The following CNGA1 variants were observed in gnomAD, a reference collection of about 807,000 sequenced individuals.
CNGA1 encodes cyclic nucleotide-gated channel alpha-1.
A neutral mutation model predicts 69.7 loss-of-function variants in CNGA1; 53 were observed. The ratio of observed to expected loss-of-function variants is 0.76; its 90% confidence interval spans 0.61 to 0.96. CNGA1 has a LOEUF of 0.96. Among genes scored for constraint, CNGA1 ranks in the 40% least tolerant of loss-of-function variants. The probability of loss-of-function intolerance (pLI) is 0.00; values close to 1 mark genes in which losing one functional copy is unlikely to be tolerated. For synonymous variants in CNGA1, 249 were observed against 283.5 expected, an observed-to-expected ratio of 0.88 and a Z score of 1.22; for missense variants, 739 against 811.2, an observed-to-expected ratio of 0.91 and a Z score of 1.08.
chr4:47,974,494 GT>G (rs1741242447), intron 3 of CNGA1, among the ~76,000 whole-genome samples: 1 of 150,854 alleles, frequency 6.6e-6, no homozygotes, highest in Non-Finnish European at 1.5e-5. Flanking sequence ...GAGGAATAAG[GT>G]CTGGACATTT....
At chr4:47,960,501 A>G (rs1357119570) in intron 3 of CNGA1, among the ~76,000 whole-genome samples, 2 of 152,244 alleles carry the variant, frequency 1.3e-5, no homozygotes, top group Non-Finnish European at 2.9e-5. Flanking sequence ...TAGAGAGGGC[A>G]CAAAAAAGAC....
chr4:47,960,905 G>A (rs1382976261), intron 3 of CNGA1, among the ~76,000 whole-genome samples: 1 of 152,120 alleles, frequency 6.6e-6, no homozygotes, highest in African/African-American at 2.4e-5. Context: ...GTCTAAGGGG[G>A]GTGAAATTTA....
rs1739003805 is a variant in CNGA1, at chr4:47,940,421, CA to C, written c.652+341del. On this transcript the variant is annotated intron_variant, in intron 10 of 10. Transcript: ENST00000514170. The stretch of plus-strand genomic sequence containing the variant: ...TGCTGAGGACAATGACATTTTTCCC[CA>C]CGACTCTTTACATTATCTCCCTGTT... Among the ~76,000 whole-genome samples, 4 of 152,278 alleles carry C rather than the reference CA, an allele frequency of 2.6e-5. No homozygotes were observed. The South Asian group carries it at 8.3e-4, about 32-fold the overall frequency.
At chr4:48,006,626 CAT>C (rs1431499749) in intron 2 of CNGA1, among the ~76,000 whole-genome samples, 7 of 146,266 alleles carry the variant, frequency 4.8e-5, no homozygotes, top group Non-Finnish European at 9.2e-5. Context: ...CAAAAAAAGA[CAT>C]AATTTTTTTT....
intron 3 of CNGA1, among the ~76,000 whole-genome samples, chr4:47,956,674 T>C (rs1740109379): frequency 6.6e-6 from 1 of 151,914 alleles, no homozygotes; most frequent in Non-Finnish European, 1.5e-5. Flanking sequence ...TTGGAAATGG[T>C]TGCCAAAATG....
chr4:47,960,479 G>A (rs1165482775), intron 3 of CNGA1, among the ~76,000 whole-genome samples: 1 of 152,096 alleles, frequency 6.6e-6, no homozygotes, highest in Non-Finnish European at 1.5e-5. Context: ...CCTTGGGATA[G>A]GCAACACTTC....
chr4:47,940,824 G>A lies in CNGA1; in HGVS notation c.591C>T (p.Leu197=). 1 of 1,612,388 alleles carries A rather than the reference G, an allele frequency of 6.2e-7. No homozygotes were observed. The highest frequency in any genetic ancestry group is 1.3e-5 in the African/African-American group (1 of 74,996). Residue 197 remains leucine, a synonymous_variant, in exon 10 of 11, where the codon CTC becomes CTT. Coordinates refer to ENST00000514170, the MANE Select transcript of CNGA1 (RefSeq NM_001379270.1). ...CTATGTCTGATACGTAATCCAAAAT[G>A]AGCCAATATTCTAGGTAATCAGATT... is the stretch of plus-strand genomic sequence containing the variant. The part of the protein sequence containing the change: ...ELQSDYLEYW[L]ILDYVSDIVY...
At chr4:47,951,934 T>A (rs1739766509) in intron 4 of CNGA1, among the ~76,000 whole-genome samples, 1 of 152,246 alleles carries the variant, frequency 6.6e-6, no homozygotes, top group South Asian at 2.1e-4. Flanking sequence ...ATACTCTGAG[T>A]ACTTTTCATA....
Position 48,010,791 on chromosome 4 carries a change from C to A in CNGA1, c.-123+3G>T, listed in dbSNP as rs1715122560. On this transcript the variant is annotated splice_donor_region_variant and intron_variant, in intron 2 of 10. Transcript: ENST00000514170. ...CTTGCTGGATCAGGAGCACAGCACA[C>A]ACCTTGCCGGATCCAGAGGGATGGA... 6.5e-6 allele frequency: 1 copy of A among 153,712 alleles called. No individual in the cohort carries two copies. The highest frequency in any genetic ancestry group is 1.5e-5 in the Non-Finnish European group (1 of 68,718). The allele number at this position is 153,712 out of a possible 1,614,324, so 9.5% of individuals were successfully genotyped here. A position where few individuals can be genotyped will look rare whatever the true frequency, so the allele number is the denominator to read the frequency against.
At position 47,952,161 on chromosome 4, in the gene CNGA1, G is replaced by A. The variant is rs143508538; in HGVS notation, c.107+422C>T. On this transcript the variant is annotated intron_variant, in intron 4 of 10. Transcript: ENST00000514170. ...GCAGATCACTTGAGGTCAGGAGTTC[G>A]TGACCAGCCTGGCCAATATGGCAAA... 0.016 allele frequency among the ~76,000 whole-genome samples: 2,373 copies of A among 151,972 alleles called. 238 individuals are homozygous for A. In the East Asian group the frequency reaches 0.27, roughly 17 times the overall value.
chr4:47,969,658 C>T (rs1740912557), intron 3 of CNGA1, among the ~76,000 whole-genome samples: 1 of 152,032 alleles, frequency 6.6e-6, no homozygotes, highest in Non-Finnish European at 1.5e-5. Flanking sequence ...TTAGTAGAGA[C>T]AGGGTTTCAC....
intron 1 of CNGA1, among the ~76,000 whole-genome samples, chr4:48,012,558 C>CTTTTTTTTTTTTTTTTTTT (rs528643370): frequency 7.7e-5 from 5 of 64,996 alleles, no homozygotes; most frequent in African/African-American, 3.3e-4. Context: ...ACCACACCAT[C>CTTTTTTTTTTTTTTTTTTT]TTTTTTTTTT....
At chr4:47,971,176 G>A (rs1335556001) in intron 3 of CNGA1, 4 of 393,602 alleles carry the variant, frequency 1.0e-5, no homozygotes, top group African/African-American at 6.4e-5. Flanking sequence ...ATTTGTGTGT[G>A]TGTGTGTGTG....
At chr4:47,998,609 T>C (rs1714507696) in intron 2 of CNGA1, among the ~76,000 whole-genome samples, 1 of 147,518 alleles carries the variant, frequency 6.8e-6, no homozygotes, top group South Asian at 2.2e-4. Flanking sequence ...AACCCGTCTC[T>C]ACTAAAAATA....
intron 3 of CNGA1, among the ~76,000 whole-genome samples, chr4:47,954,518 G>T (rs1320219385): frequency 6.6e-6 from 1 of 152,196 alleles, no homozygotes; most frequent in Non-Finnish European, 1.5e-5. Flanking sequence ...CACCCCTGCC[G>T]CACGTCCTGC....
chr4:47,954,075 G>A (rs1739911340), intron 3 of CNGA1, among the ~76,000 whole-genome samples: 1 of 152,150 alleles, frequency 6.6e-6, no homozygotes, highest in South Asian at 2.1e-4. Context: ...GAGGAACAGA[G>A]TGGCAGAGAA....
At chr4:47,967,446 G>A (rs1001916671) in intron 3 of CNGA1, among the ~76,000 whole-genome samples, 7 of 152,132 alleles carry the variant, frequency 4.6e-5, no homozygotes, top group African/African-American at 7.2e-5. Context: ...AGGTTCTAGC[G>A]CTTGCAATAA....
At position 47,958,209 on chromosome 4, in the gene CNGA1, C is replaced by G. The variant is rs921202179; in HGVS notation, c.-14-5506G>C. Among the ~76,000 whole-genome samples the G allele has an allele frequency of 3.3e-5, 5 of 152,100 alleles. No homozygotes were observed. In the East Asian group the frequency reaches 7.7e-4, roughly 24 times the overall value. On this transcript the variant is annotated intron_variant, in intron 3 of 10. Coordinates refer to ENST00000514170, the MANE Select transcript of CNGA1 (RefSeq NM_001379270.1). ...GCCATGTTTGTAATTTTTATATACA[C>G]CTCTGTTTAACAATAACTTTGCTCA...
intron 2 of CNGA1, among the ~76,000 whole-genome samples, chr4:47,984,657 TATATATAC>T (rs1240132118): frequency 1.2e-5 from 1 of 85,976 alleles, no homozygotes; most frequent in Non-Finnish European, 2.6e-5. Context: ...AATATATATA[TATATATAC>T]ACACACACAC....
Sources: allele counts gnomAD v4.1 joint callset (sites outside exome capture counted in the v4.1 genomes callset), GRCh38; gene constraint gnomAD v4.1.1; transcripts MANE v1.5; gene names NCBI Gene and HGNC (gene_info 2026-07-23, HGNC 2026-07-21).